Variants in FOXP3 observed in about 807,000 individuals in gnomAD.
FOXP3 encodes the protein forkhead box P3.
A neutral mutation model predicts 31.2 loss-of-function variants in FOXP3; 5 were observed. The ratio of observed to expected loss-of-function variants is 0.16; its 90% CI spans 0.08 to 0.34. The LOEUF is 0.34. Among genes scored for constraint, FOXP3 ranks in the 10% least tolerant of loss-of-function variants. The pLI is 1.00. For missense variants in FOXP3, 251 were observed against 363.0 expected, an observed-to-expected ratio of 0.69 and a Z score of 2.51; for synonymous variants, 141 against 148.8, an observed-to-expected ratio of 0.95 and a Z score of 0.38.
chrX:49,251,406 C>T lies in FOXP3; in HGVS notation c.1224G>A (p.Val408=). 7 of 1,211,883 alleles carry T rather than the reference C, an allele frequency of 5.8e-6. No homozygotes were observed. Among genetic ancestry groups the T allele is most frequent in the Non-Finnish European group, 7.8e-6 (7 of 895,509 alleles). Residue 408 remains valine, a synonymous_variant, in exon 12 of 12, where the codon GTG becomes GTA. Transcript: ENST00000376207. The stretch of plus-strand genomic sequence containing the variant: ...GTTTCTTGCGGAACTCCAGCTCATC[C>T]ACGGTCCACACAGCCCCCTTCTCGC... ...VESEKGAVWT[V]DELEFRKKRS... is the part of the protein sequence containing the mutation.
intron 1 of FOXP3, among the ~76,000 whole-genome samples, chrX:49,263,209 A>G (rs1263958731): frequency 9.2e-6 from 1 of 109,128 alleles, no homozygotes. Flanking sequence ...TGGCCAATGA[A>G]TAGTAAAAGT....
At position 49,257,358 on chromosome X, in the gene FOXP3, C is replaced by A. The variant is rs782820440; in HGVS notation, c.454+69G>T. 29 of 1,111,777 alleles carry A rather than the reference C, an allele frequency of 2.6e-5. No homozygotes were observed. In the East Asian group the frequency reaches 7.9e-4, roughly 30 times the overall value. 91.6% of individuals were successfully genotyped at this position (1,111,777 alleles called of 1,213,427 possible). A position where few individuals can be genotyped will look rare whatever the true frequency, so the allele number is the denominator to read the frequency against. On this transcript the variant is annotated intron_variant, in intron 4 of 11. Transcript: ENST00000376207. ...GTACTGCAATTCAGAATAGCCTACA[C>A]TGCTCACAGCCAAGGATCTGGGGAC...
At chrX:49,262,426 T>C (rs930966971) in intron 1 of FOXP3, among the ~76,000 whole-genome samples, 2 of 112,413 alleles carry the variant, frequency 1.8e-5, no homozygotes, top group African/African-American at 6.5e-5. Context: ...TGGAGGACCA[T>C]GGAGTATGGT....
intron 1 of FOXP3, among the ~76,000 whole-genome samples, chrX:49,260,117 T>C (rs2066101489): frequency 9.0e-6 from 1 of 111,237 alleles, no homozygotes; most frequent in Non-Finnish European, 1.9e-5. Context: ...TGTGGGTCTG[T>C]GGAGGCTCCG....
intron 1 of FOXP3, among the ~76,000 whole-genome samples, chrX:49,260,682 T>C (rs2066104772): frequency 8.9e-6 from 1 of 112,688 alleles, no homozygotes; most frequent in Non-Finnish European, 1.9e-5. Context: ...ACTGGGTTTC[T>C]CAGAAGCTGA....
intron 10 of FOXP3, 48 bp from the exon 11 acceptor site, chrX:49,251,813 T>G: frequency 8.4e-7 from 1 of 1,187,577 alleles, no homozygotes; most frequent in Non-Finnish European, 1.1e-6. Flanking sequence ...AAACTTGGGG[T>G]TTAGAGGGGC....
chrX:49,255,675 C>T lies in FOXP3; in HGVS notation c.735+40G>A, dbSNP rs782006104. On this transcript the variant is annotated intron_variant, in intron 7 of 11. Coordinates refer to ENST00000376207, the MANE Select transcript of FOXP3 (RefSeq NM_014009.4). The stretch of plus-strand genomic sequence containing the variant: ...CACATGGTGGACAGAAGGTTTTGCG[C>T]ACTATCCCTATCCCTTACCCTCCAC... The T allele has an allele frequency of 2.8e-5, 33 of 1,170,870 alleles. No homozygotes were observed. The South Asian group carries it at 5.2e-4, about 18-fold the overall frequency.
intron 6 of FOXP3, among the ~76,000 whole-genome samples, chrX:49,256,217 AG>A (rs2066069623): frequency 1.3e-4 from 5 of 37,077 alleles, no homozygotes; most frequent in Non-Finnish European, 2.2e-4. Flanking sequence ...TGAGAGAGAG[AG>A]AAAGAGAGAG....
At chrX:49,258,784 C>T (rs2066092864) in intron 1 of FOXP3, among the ~76,000 whole-genome samples, 1 of 111,965 alleles carries the variant, frequency 8.9e-6, no homozygotes, top group Admixed American at 9.4e-5. Flanking sequence ...CCTGCCCACG[C>T]TAGCACAGCC....
Position 49,250,447 on chromosome X carries a change from C to G in FOXP3, c.*887G>C. On this transcript the variant is annotated 3_prime_UTR_variant, in exon 12 of 12. Transcript: ENST00000376207. ...GTGATAGTCCAGCATGTGGGGAGCT[C>G]GGCTGCAGTTTATTGGGGACGGTAC... is the stretch of plus-strand genomic sequence containing the variant. 2 of 505,348 alleles carry G rather than the reference C, an allele frequency of 4.0e-6. No individual in the cohort carries two copies. Among genetic ancestry groups the G allele is most frequent in the African/African-American group, 2.3e-5 (1 of 43,743 alleles). The allele number at this position is 505,348 out of a possible 1,213,427, so 41.6% of individuals were successfully genotyped here.
In FOXP3 at chrX:49,250,537, G is replaced by A; in HGVS notation, c.*797C>T. 1 of 443,729 alleles carries A rather than the reference G, an allele frequency of 2.3e-6. No individual in the cohort carries two copies. The highest frequency in any genetic ancestry group is 4.1e-6 in the Non-Finnish European group (1 of 242,942). 36.6% of individuals were successfully genotyped at this position (443,729 alleles called of 1,213,427 possible). ...TCCTCTGCAGTCTAAGCTGAGGCAT[G>A]GATCAGGGCTCAGGGAATGGGAGTG... On this transcript the variant is annotated 3_prime_UTR_variant, in exon 12 of 12. Coordinates refer to ENST00000376207, the MANE Select transcript of FOXP3 (RefSeq NM_014009.4).
intron 1 of FOXP3, 149 bp from the exon 2 acceptor site, chrX:49,258,676 GACAC>G (rs57734889): frequency 0.039 from 12,578 of 322,530 alleles, 14 homozygotes; most frequent in Non-Finnish European, 0.042. Context: ...CCCAGCTCTA[GACAC>G]ACACACACAC....
In FOXP3 at chrX:49,258,382, C is replaced by T. The variant is rs782178764; in HGVS notation, c.124G>A (p.Gly42Arg). Reference sequence around the variant, plus strand: ...AGATCTCGGCCCTGGAAGGTTCCCCCTGGGCCCCGGGCCCCCAGCAGGTCT... The same window carrying T: ...AGATCTCGGCCCTGGAAGGTTCCCCTTGGGCCCCGGGCCCCCAGCAGGTCT... ...ASDLLGARGP[G>R]GTFQGRDLRG... The change falls in exon 2 of 12, where the codon GGG (glycine) becomes AGG (arginine). Residue 42 changes from glycine (G) to arginine (R), a missense_variant. Around this residue, in one of 4 missense-constraint regions of FOXP3, gnomAD observed 152 missense variants for 188.1 expected, o/e 0.81. Coordinates refer to ENST00000376207, the MANE Select transcript of FOXP3 (RefSeq NM_014009.4). 5.1e-6 allele frequency: 6 copies of T among 1,167,983 alleles called. No individual in the cohort carries two copies. In the South Asian group the frequency reaches 7.6e-5, roughly 15 times the overall value.
chrX:49,253,571 G>T (rs2066047806), intron 9 of FOXP3, among the ~76,000 whole-genome samples: 1 of 112,196 alleles, frequency 8.9e-6, no homozygotes, highest in African/African-American at 3.2e-5. Context: ...ATTTTCCTTG[G>T]TCAGGGGAGG....
At chrX:49,255,277 C>A in intron 8 of FOXP3, 152 bp downstream of exon 8, 1 of 523,309 alleles carries the variant, frequency 1.9e-6, no homozygotes, top group Non-Finnish European at 3.3e-6. Context: ...TAGAAGGGGA[C>A]AGATTTCCAG....
chrX:49,254,802 C>T (rs2066057851), intron 8 of FOXP3, among the ~76,000 whole-genome samples: 2 of 111,571 alleles, frequency 1.8e-5, no homozygotes, highest in South Asian at 3.8e-4. Context: ...GCTCTGTGGT[C>T]GCCATCTTGA....
rs1557115321 is a variant in FOXP3, at chrX:49,250,648, C to T, written c.*686G>A. The stretch of plus-strand genomic sequence containing the variant: ...GTCTGCACGGGACTCAAGAGACCCA[C>T]TGGGGGGCTGTGCGTGTGCATATGC... On this transcript the variant is annotated 3_prime_UTR_variant, in exon 12 of 12. Coordinates refer to ENST00000376207, the MANE Select transcript of FOXP3 (RefSeq NM_014009.4). The T allele has an allele frequency of 1.7e-5, 5 of 291,673 alleles. No homozygotes were observed. The highest frequency in any genetic ancestry group is 3.2e-5 in the Non-Finnish European group (5 of 156,765). 24.0% of individuals were successfully genotyped at this position (291,673 alleles called of 1,213,427 possible).
Position 49,255,702 on chromosome X carries a change from G to A in FOXP3, c.735+13C>T, listed in dbSNP as rs782663827. The A allele has an allele frequency of 1.2e-5, 14 of 1,201,382 alleles. No individual in the cohort carries two copies. The highest frequency in any genetic ancestry group is 5.4e-5 in the South Asian group (3 of 55,609). ...CTATCCCTATCCCTTACCCTCCACC[G>A]CCCTGGCATTACCTGCTGCTCCAGA... On this transcript the variant is annotated intron_variant, in intron 7 of 11. Coordinates refer to ENST00000376207, the MANE Select transcript of FOXP3 (RefSeq NM_014009.4).
At chrX:49,257,279 T>G in intron 4 of FOXP3, 148 bp downstream of exon 4, 3 of 797,462 alleles carry the variant, frequency 3.8e-6, no homozygotes, top group Non-Finnish European at 5.2e-6. Flanking sequence ...ACCTGACGTT[T>G]TTTGGAGGGT....
Sources: gnomAD v4.1 joint callset for allele counts (sites outside exome capture counted in the v4.1 genomes callset) on GRCh38, gnomAD v4.1.1 for gene constraint, gnomAD v4.1.1 regional missense constraint, MANE v1.5 for transcripts, NCBI Gene and HGNC (gene_info 2026-07-23, HGNC 2026-07-21) for gene names.